WTIP: variants seen among roughly 807,000 people sequenced by gnomAD.
WTIP encodes WT1 interacting protein, also known as Wilms tumor protein 1-interacting protein.
WTIP carries 23 observed loss-of-function variants against 41.7 expected under a neutral mutation model. The observed-to-expected ratio is 0.55, with a 90% CI of 0.40 to 0.78. The LOEUF is 0.78. Ranked by LOEUF, WTIP falls within the 30% of genes least tolerant of loss-of-function variation. WTIP has a pLI of 0.00. For missense variants in WTIP, 619 were observed against 610.5 expected (o/e 1.01, Z -0.15); for synonymous variants, 314 against 269.9 (o/e 1.16, Z -1.60).
At chr19:34,494,515 G>C (rs988549830) in intron 5 of WTIP, 71 bp from the exon 6 acceptor site, 1 of 1,496,126 alleles carries the variant, frequency 6.7e-7, no homozygotes, top group Non-Finnish European at 9.2e-7. Flanking sequence ...GTTCCTGTGG[G>C]TGCCCCTGTG....
chr19:34,499,775 C>T (rs2075874637), intron 7 of WTIP, among the ~76,000 whole-genome samples: 1 of 151,496 alleles, frequency 6.6e-6, no homozygotes, highest in Admixed American at 6.6e-5. Context: ...TCTCTGCTCT[C>T]TGCAACCTCT....
In WTIP at chr19:34,493,535, G is replaced by A. The variant is rs539423563; in HGVS notation, c.944G>A (p.Arg315Gln). 10 of 1,613,646 alleles carry A rather than the reference G, an allele frequency of 6.2e-6. No homozygotes were observed. The highest frequency in any genetic ancestry group is 2.2e-5 in the East Asian group (1 of 44,862). Reference sequence around the variant, plus strand: ...AAGTCCTACCACCCAGGCTGCTTCCGGTGCTCCGTGTGCAATGAGTGCCTG... The same window carrying A: ...AAGTCCTACCACCCAGGCTGCTTCCAGTGCTCCGTGTGCAATGAGTGCCTG... ...LGKSYHPGCF[R>Q]CSVCNECLDG... Residue 315 changes from arginine (R) to glutamine (Q), a missense_variant, in exon 5 of 8, where the codon CGG becomes CAG. By Grantham distance (43) the Arg-to-Gln change is conservative. Coordinates refer to ENST00000590071, the MANE Select transcript of WTIP (RefSeq NM_001080436.2). The surrounding 1 kb of genome is among the most constrained non-coding windows in gnomAD (Gnocchi z 4.1).
At position 34,510,322 on chromosome 19, in the gene WTIP, C is replaced by T. The variant is rs551529097; in HGVS notation, c.*10053C>T. ...CTGTACACCCGCAGGCTCAACACCACATGGTAGCTGCCAAGGTTGGGGTTT... is the reference window on the plus strand; with the variant it reads ...CTGTACACCCGCAGGCTCAACACCATATGGTAGCTGCCAAGGTTGGGGTTT... On this transcript the variant is annotated 3_prime_UTR_variant, in exon 8 of 8. Coordinates refer to ENST00000590071, the MANE Select transcript of WTIP (RefSeq NM_001080436.2). The T allele has an allele frequency of 5.9e-5, 9 of 152,220 alleles. No homozygotes were observed. The highest frequency in any genetic ancestry group is 1.2e-4 in the Non-Finnish European group (8 of 68,052). The allele number at this position is 152,220 out of a possible 1,614,324, so 9.4% of individuals were successfully genotyped here. A position where few individuals can be genotyped will look rare whatever the true frequency, so the allele number is the denominator to read the frequency against.
At chr19:34,487,102 CTT>C (rs34893888) in intron 1 of WTIP, among the ~76,000 whole-genome samples, 19,068 of 95,870 alleles carry the variant, frequency 0.2, 1,028 homozygotes, top group African/African-American at 0.24. Flanking sequence ...TCCCTGCCTG[CTT>C]TTTTTTTTTT....
chr19:34,494,671 C>T, intron 6 of WTIP, 34 bp downstream of exon 6: 2 of 1,607,212 alleles, frequency 1.2e-6, no homozygotes, highest in East Asian at 2.2e-5. Context: ...GATCAGGTGC[C>T]TGGCCCAGCC....
chr19:34,502,421 AT>A lies in WTIP; in HGVS notation c.*2172del, dbSNP rs35198618. On this transcript the variant is annotated 3_prime_UTR_variant, in exon 8 of 8. Transcript: ENST00000590071. ...CAGGTGTGCCCCATGACGCCCAGCT[AT>A]TTTTTTTTTTTTTTTTTTTAAAGAC... is the stretch of plus-strand genomic sequence containing the variant. 5,857 of 119,070 alleles carry A rather than the reference AT, an allele frequency of 0.049. 283 individuals are homozygous for A. The highest frequency in any genetic ancestry group is 0.13 in the African/African-American group (4,327 of 33,208). The allele number at this position is 119,070 out of a possible 1,614,324, so 7.4% of individuals were successfully genotyped here.
At chr19:34,497,219 C>G (rs1432924058) in intron 7 of WTIP, among the ~76,000 whole-genome samples, 2 of 152,112 alleles carry the variant, frequency 1.3e-5, no homozygotes, top group Non-Finnish European at 2.9e-5. Flanking sequence ...CCCAGATTCT[C>G]AACTCAAGGA....
chr19:34,493,887 C>T lies in WTIP; in HGVS notation c.1031+265C>T, dbSNP rs2965282. Among the ~76,000 whole-genome samples, 64,709 of 151,876 alleles carry T rather than the reference C, an allele frequency of 0.43. 16,879 individuals carry two copies. Among genetic ancestry groups the T allele is most frequent in the Non-Finnish European group, 0.59 (39,810 of 67,910 alleles). Reference sequence around the variant, plus strand: ...CTCCTGGCACAGGGGACCCTCCTGGCTGCAGTACCCACCATCTTTCCCCCT... The same window carrying T: ...CTCCTGGCACAGGGGACCCTCCTGGTTGCAGTACCCACCATCTTTCCCCCT... On this transcript the variant is annotated intron_variant, in intron 5 of 7. Transcript: ENST00000590071. The surrounding 1 kb of genome is among the most constrained non-coding windows in gnomAD (Gnocchi z 4.1).
chr19:34,498,406 G>A (rs2075867025), intron 7 of WTIP, among the ~76,000 whole-genome samples: 2 of 152,096 alleles, frequency 1.3e-5, no homozygotes, highest in Admixed American at 6.6e-5. Flanking sequence ...GCACAGGGCC[G>A]CTCCCTCCTC....
At chr19:34,487,743 C>T (rs1173193496) in intron 1 of WTIP, among the ~76,000 whole-genome samples, 1 of 151,766 alleles carries the variant, frequency 6.6e-6, no homozygotes, top group South Asian at 2.1e-4. Context: ...GCAAGAAGGT[C>T]GGGGGAGGGC....
chr19:34,482,200 G>T lies in WTIP; in HGVS notation c.226G>T (p.Ala76Ser). ...CCGCGGGGAGCGGGGTCCCCGGCGC[G>T]CGGCGGTTCCGGAGCTCAGCGCGCA... The part of the protein sequence containing the change: ...LSRGERGPRR[A>S]AVPELSAQPA... The change falls in exon 1 of 8, where the codon GCG (alanine) becomes TCG (serine). Residue 76 changes from alanine to serine, a missense_variant. By Grantham distance (99) the Ala-to-Ser change is moderately conservative. Transcript: ENST00000590071. The T allele has an allele frequency of 9.0e-7, 1 of 1,116,410 alleles. No individual in the cohort carries two copies. Among genetic ancestry groups the T allele is most frequent in the South Asian group, 4.3e-5 (1 of 23,394 alleles). 69.2% of individuals were successfully genotyped at this position (1,116,410 alleles called of 1,614,324 possible).
At chr19:34,489,176 G>A (rs528154372) in intron 1 of WTIP, among the ~76,000 whole-genome samples, 1 of 115,814 alleles carries the variant, frequency 8.6e-6, no homozygotes, top group African/African-American at 3.5e-5. Flanking sequence ...TCCAACCTGG[G>A]CGACAGAGCG....
At position 34,500,174 on chromosome 19, in the gene WTIP, C is replaced by A. The variant is rs1469980875; in HGVS notation, c.1198C>A (p.Pro400Thr). ...CGGGGAGGAGGGACGCCGTTGCTAT[C>A]CCCTGGCGGGCCACCTACTGTGTCG... ...LSGEEGRRCY[P>T]LAGHLLCRRC... The change falls in exon 8 of 8, where the codon CCC becomes ACC. Residue 400 changes from proline (P) to threonine (T), a missense_variant. Around this residue, in one of 3 missense-constraint regions of WTIP, gnomAD observed 92 missense variants for 82.4 expected, o/e 1.12. Coordinates refer to ENST00000590071, the MANE Select transcript of WTIP (RefSeq NM_001080436.2). 6.2e-7 allele frequency: 1 copy of A among 1,602,950 alleles called. No homozygotes were observed. The highest frequency in any genetic ancestry group is 8.5e-7 in the Non-Finnish European group (1 of 1,179,766).
In WTIP at chr19:34,502,998, G is replaced by C. The variant is rs902177009; in HGVS notation, c.*2729G>C. On this transcript the variant is annotated 3_prime_UTR_variant, in exon 8 of 8. Transcript: ENST00000590071. ...CCTCCCCTTCCTTTGCATGTGCCAT[G>C]GTGGGCCCTGTGCTTATATCCATGG... The C allele has an allele frequency of 6.6e-6, 1 of 152,404 alleles. No individual in the cohort carries two copies. Among genetic ancestry groups the C allele is most frequent in the Admixed American group, 6.5e-5 (1 of 15,288 alleles). The allele number at this position is 152,404 out of a possible 1,614,324, so 9.4% of individuals were successfully genotyped here. A position where few individuals can be genotyped will look rare whatever the true frequency, so the allele number is the denominator to read the frequency against.
intron 1 of WTIP, among the ~76,000 whole-genome samples, chr19:34,483,741 A>T (rs1329637223): frequency 6.6e-6 from 1 of 151,952 alleles, no homozygotes; most frequent in African/African-American, 2.4e-5. Context: ...TGAGATTGTG[A>T]GCGGGGCAGA....
chr19:34,495,605 C>A, intron 6 of WTIP, 98 bp from the exon 7 acceptor site: 1 of 1,421,274 alleles, frequency 7.0e-7, no homozygotes, highest in Non-Finnish European at 9.7e-7. Context: ...CGTGCACCTC[C>A]GCCGGGACAG....
At position 34,493,223 on chromosome 19, in the gene WTIP, C is replaced by CT. The variant is rs1568399945; in HGVS notation, c.838-37dup. ...GGTGCTAGCTGGGCCGCGAGTGCCC[C>CT]TTTGTCACACAATGTCCTGGATCCT... On this transcript the variant is annotated intron_variant, in intron 3 of 7. Transcript: ENST00000590071. This position sits in a 1 kb window ranked among gnomAD's most constrained non-coding sequence, Gnocchi z 4.1. 12 of 1,613,456 alleles carry CT rather than the reference C, an allele frequency of 7.4e-6. No homozygotes were observed. The highest frequency in any genetic ancestry group is 1.0e-5 in the Non-Finnish European group (12 of 1,179,590).
In WTIP at chr19:34,502,753, C is replaced by T. The variant is rs1277102916; in HGVS notation, c.*2484C>T. ...TGTATTTTTAGTTGAGAGGGGGTTTCAGCATGTTGGCCAGGTTGGTGTCAA... is the reference window on the plus strand; with the variant it reads ...TGTATTTTTAGTTGAGAGGGGGTTTTAGCATGTTGGCCAGGTTGGTGTCAA... On this transcript the variant is annotated 3_prime_UTR_variant, in exon 8 of 8. Transcript: ENST00000590071. 6.6e-6 allele frequency: 1 copy of T among 152,146 alleles called. No homozygotes were observed. Among genetic ancestry groups the T allele is most frequent in the African/African-American group, 2.4e-5 (1 of 41,396 alleles). The allele number at this position is 152,146 out of a possible 1,614,324, so 9.4% of individuals were successfully genotyped here. A position where few individuals can be genotyped will look rare whatever the true frequency, so the allele number is the denominator to read the frequency against.
chr19:34,509,026 A>G lies in WTIP; in HGVS notation c.*8757A>G, dbSNP rs2075923984. On this transcript the variant is annotated 3_prime_UTR_variant, in exon 8 of 8. Transcript: ENST00000590071. ...CTACTGGACCTGGCTTTTATAAATC[A>G]TGCGGTGATAAATAATATGGCAGTT... 1 of 152,240 alleles carries G rather than the reference A, an allele frequency of 6.6e-6. No homozygotes were observed. The highest frequency in any genetic ancestry group is 1.5e-5 in the Non-Finnish European group (1 of 68,042). The allele number at this position is 152,240 out of a possible 1,614,324, so 9.4% of individuals were successfully genotyped here. A position where few individuals can be genotyped will look rare whatever the true frequency, so the allele number is the denominator to read the frequency against.
Sources: allele counts gnomAD v4.1 joint callset (sites outside exome capture counted in the v4.1 genomes callset), GRCh38; gene constraint gnomAD v4.1.1; regional missense constraint gnomAD v4.1.1; non-coding constraint Gnocchi (gnomAD v3.1); transcripts MANE v1.5; gene names NCBI Gene and HGNC (gene_info 2026-07-23, HGNC 2026-07-21).